Variants in ERCC6L2 observed in about 807,000 individuals in gnomAD.
ERCC6L2 encodes the protein DNA excision repair protein ERCC-6-like 2.
In ERCC6L2, 77 loss-of-function variants were observed where a neutral mutation model predicts 132.0. The ratio of observed to expected loss-of-function variants is 0.58; its 90% CI spans 0.49 to 0.71. The LOEUF is 0.71. ERCC6L2 is among the 30% of genes least tolerant of loss of function. The pLI, the probability that ERCC6L2 is intolerant of heterozygous loss-of-function variation, is 0.00. For missense variants in ERCC6L2, 1,542 were observed against 1,837.6 expected (o/e 0.84, Z 2.94); for synonymous variants, 583 against 632.4 (o/e 0.92, Z 1.17).
At chr9:96,024,451 C>A (rs919113753) in intron 19 of ERCC6L2, among the ~76,000 whole-genome samples, 1 of 152,244 alleles carries the variant, frequency 6.6e-6, no homozygotes, top group African/African-American at 2.4e-5. Flanking sequence ...AAACCACTCT[C>A]TTCTTGGATA....
At chr9:95,890,844 C>CT (rs1210822363) in intron 2 of ERCC6L2, among the ~76,000 whole-genome samples, 1 of 152,018 alleles carries the variant, frequency 6.6e-6, no homozygotes, top group East Asian at 1.9e-4. Context: ...AATTTTTGTA[C>CT]TTTTTGTAGA....
chr9:95,916,682 AC>A (rs1367155492), intron 6 of ERCC6L2, among the ~76,000 whole-genome samples: 1 of 148,044 alleles, frequency 6.8e-6, no homozygotes, highest in Non-Finnish European at 1.5e-5. Context: ...TCTCATCAAA[AC>A]CTTTTTTTTT....
At chr9:96,004,252 A>C (rs953957050) in intron 17 of ERCC6L2, among the ~76,000 whole-genome samples, 2 of 152,222 alleles carry the variant, frequency 1.3e-5, no homozygotes, top group Non-Finnish European at 2.9e-5. Context: ...GTAGGTATCA[A>C]CGTATGTATC....
chr9:96,018,479 AAGAC>A (rs781442462), downstream of ERCC6L2, among the ~76,000 whole-genome samples: 2 of 151,818 alleles, frequency 1.3e-5, no homozygotes, highest in African/African-American at 2.4e-5. Flanking sequence ...CTTTTTTTGT[AAGAC>A]AGAGTCTCAC....
rs184808821 is a variant in ERCC6L2 at position 96,027,736 on chromosome 9, C to T, written c.*1504-11140C>T. ...CTAGCTTCCCTCCAAGGCCCCCGGC[C>T]GCTCTTTCTCAGCATTCTTCGCAGC... On this transcript the variant is annotated intron_variant and NMD_transcript_variant, in intron 19 of 20. Transcript: ENST00000670016. The T allele has an allele frequency of 9.4e-3, 1,430 of 152,670 alleles. 10 individuals carry two copies. The highest frequency in any genetic ancestry group is 0.013 in the Admixed American group (200 of 15,310). 9.5% of individuals were successfully genotyped at this position (152,670 alleles called of 1,614,324 possible). A position where few individuals can be genotyped will look rare whatever the true frequency, so the allele number is the denominator to read the frequency against.
downstream of ERCC6L2, among the ~76,000 whole-genome samples, chr9:96,023,394 C>T (rs1472788664): frequency 2.0e-5 from 3 of 152,052 alleles, no homozygotes; most frequent in African/African-American, 7.2e-5. Flanking sequence ...CTCTGTAAAT[C>T]CATCACATGA....
intron 20 of ERCC6L2, among the ~76,000 whole-genome samples, chr9:96,040,927 A>C (rs1277155934): frequency 6.6e-6 from 1 of 152,182 alleles, no homozygotes; most frequent in Non-Finnish European, 1.5e-5. Context: ...GTTTGTCTTG[A>C]GGGAAGTTGT....
chr9:95,944,123 A>G (rs774452886), intron 12 of ERCC6L2, among the ~76,000 whole-genome samples: 9 of 152,228 alleles, frequency 5.9e-5, no homozygotes, highest in African/African-American at 1.4e-4. Flanking sequence ...AAGCAACTCA[A>G]ATGTCCATCG....
At position 96,015,250 on chromosome 9, in the gene ERCC6L2, G is replaced by A. The variant is rs139634290; in HGVS notation, c.*2047G>A. Among the ~76,000 whole-genome samples, 426 of 150,122 alleles carry A rather than the reference G, an allele frequency of 2.8e-3. 2 individuals carry two copies. Among genetic ancestry groups the A allele is most frequent in the African/African-American group, 1.0e-2 (408 of 40,848 alleles). On this transcript the variant is annotated 3_prime_UTR_variant, in exon 19 of 19. Transcript: ENST00000653738. The stretch of plus-strand genomic sequence containing the variant: ...TCGCCAGGCTGGAGTGCAGTGGCTC[G>A]ATCTTGGCTCACTGCAGCCTCCGCC...
intron 17 of ERCC6L2, among the ~76,000 whole-genome samples, chr9:95,999,360 C>A (rs74964247): frequency 1.3e-4 from 19 of 144,682 alleles, no homozygotes; most frequent in South Asian, 2.2e-4. Flanking sequence ...GACTCTGTCT[C>A]AAAAAAAAAA....
chr9:95,963,177 G>A lies in ERCC6L2; in HGVS notation c.1948-3385G>A, dbSNP rs933467701. Among the ~76,000 whole-genome samples, 4 of 140,554 alleles carry A rather than the reference G, an allele frequency of 2.8e-5. No individual in the cohort carries two copies. The Admixed American group carries it at 2.8e-4, about 10-fold the overall frequency. 92.2% of individuals were successfully genotyped at this position (140,554 alleles called of 152,430 possible). A position where few individuals can be genotyped will look rare whatever the true frequency, so the allele number is the denominator to read the frequency against. ...TGTGTGTGTGTGTGTGTGTGTGTGT[G>A]TGTAAATTTTATTTGTAAGTGTTTG... is the stretch of plus-strand genomic sequence containing the variant. On this transcript the variant is annotated intron_variant, in intron 13 of 18. Transcript: ENST00000653738.
At chr9:95,893,551 G>A (rs1226030207) in intron 2 of ERCC6L2, among the ~76,000 whole-genome samples, 1 of 152,162 alleles carries the variant, frequency 6.6e-6, no homozygotes, top group Non-Finnish European at 1.5e-5. Context: ...TAAGCATTAG[G>A]TAGAATTTGT....
chr9:95,940,867 C>G (rs1830766673), intron 11 of ERCC6L2, among the ~76,000 whole-genome samples: 2 of 152,056 alleles, frequency 1.3e-5, no homozygotes, highest in Admixed American at 6.6e-5. Flanking sequence ...ACTCCTTCAG[C>G]TAGGCTTTCT....
rs370033874 is a variant in ERCC6L2, at chr9:95,876,104, C to T, written c.46+20C>T. 32 of 1,557,304 alleles carry T rather than the reference C, an allele frequency of 2.1e-5. No homozygotes were observed. The African/African-American group carries it at 3.8e-4, about 19-fold the overall frequency. On this transcript the variant is annotated intron_variant, in intron 1 of 18. Transcript: ENST00000653738. ...GCAAAGGTACCAGCTCCGCGCTCGC[C>T]CCTTACGCAGAGGCCTGTGTACTGC...
intron 13 of ERCC6L2, among the ~76,000 whole-genome samples, chr9:95,965,070 G>T (rs1467649597): frequency 6.6e-6 from 1 of 152,048 alleles, no homozygotes; most frequent in East Asian, 1.9e-4. Flanking sequence ...GTACTCCCAG[G>T]ATTACAGCCC....
At chr9:95,963,049 AT>A (rs1033524128) in intron 13 of ERCC6L2, among the ~76,000 whole-genome samples, 63 of 152,216 alleles carry the variant, frequency 4.1e-4, no homozygotes, top group African/African-American at 1.5e-3. Flanking sequence ...TATTTTATAC[AT>A]TTTAAAAATA....
rs116152823 is a variant in ERCC6L2 at position 95,988,348 on chromosome 9, G to A, written c.3492+10133G>A. Among the ~76,000 whole-genome samples, 847 of 152,220 alleles carry A rather than the reference G, an allele frequency of 5.6e-3. 6 individuals are homozygous for A. The highest frequency in any genetic ancestry group is 0.019 in the African/African-American group (800 of 41,544). ...AGTATAACTAGGATCTGTTCTCACCGCTTTTACAGCAAGATGGTAAGTTGA... is the reference window on the plus strand; with the variant it reads ...AGTATAACTAGGATCTGTTCTCACCACTTTTACAGCAAGATGGTAAGTTGA... On this transcript the variant is annotated intron_variant, in intron 17 of 18. Transcript: ENST00000653738.
chr9:95,956,610 A>G (rs1233274415), intron 13 of ERCC6L2, among the ~76,000 whole-genome samples: 2 of 152,166 alleles, frequency 1.3e-5, no homozygotes, highest in Non-Finnish European at 2.9e-5. Flanking sequence ...ACTTACCATC[A>G]TGGTGGAAGG....
intron 12 of ERCC6L2, among the ~76,000 whole-genome samples, chr9:95,952,858 C>G (rs1194355947): frequency 6.6e-6 from 1 of 151,268 alleles, no homozygotes; most frequent in African/African-American, 2.4e-5. Flanking sequence ...AAAAAGGAAA[C>G]TACTTCAACA....
Sources: allele counts gnomAD v4.1 joint callset (sites outside exome capture counted in the v4.1 genomes callset), GRCh38; gene constraint gnomAD v4.1.1; transcripts MANE v1.5; gene names NCBI Gene and HGNC (gene_info 2026-07-23, HGNC 2026-07-21).